LUZP2: variants seen among roughly 807,000 people sequenced by gnomAD.
LUZP2 encodes leucine zipper protein 2.
LUZP2 carries 52 observed loss-of-function variants against 51.6 expected under a neutral mutation model. That is an observed-to-expected ratio of 1.01 (90% CI 0.81 to 1.27). The LOEUF is 1.27. LUZP2 is among the 50% of genes most tolerant of loss of function. The pLI, the probability that LUZP2 is intolerant of heterozygous loss-of-function variation, is 0.00. For synonymous variants in LUZP2, 154 were observed against 137.3 expected (o/e 1.12, Z -0.85); for missense variants, 436 against 395.4 (o/e 1.10, Z -0.87).
chr11:24,584,753 C>T (rs1852999746), intron 1 of LUZP2, among the ~76,000 whole-genome samples: 1 of 152,094 alleles, frequency 6.6e-6, no homozygotes, highest in South Asian at 2.1e-4. Context: ...GTGAAAATGG[C>T]TTTAAAACAA....
intron 7 of LUZP2, among the ~76,000 whole-genome samples, chr11:24,926,967 T>A (rs1227940735): frequency 6.6e-6 from 1 of 151,950 alleles, no homozygotes; most frequent in Non-Finnish European, 1.5e-5. Context: ...CAGTATCACA[T>A]TATGGTTTTA....
At chr11:24,551,958 C>T (rs1851737426) in intron 1 of LUZP2, among the ~76,000 whole-genome samples, 1 of 151,668 alleles carries the variant, frequency 6.6e-6, no homozygotes, top group Admixed American at 6.6e-5. Context: ...ACAACATAAA[C>T]AAAACTCAGG....
At chr11:24,936,742 G>A (rs1000861128) in intron 7 of LUZP2, among the ~76,000 whole-genome samples, 1 of 152,042 alleles carries the variant, frequency 6.6e-6, no homozygotes, top group African/African-American at 2.4e-5. Context: ...CAGGATTTGA[G>A]TGGGCAATGA....
chr11:24,951,218 G>A (rs893216897), intron 7 of LUZP2, among the ~76,000 whole-genome samples: 6 of 151,478 alleles, frequency 4.0e-5, no homozygotes, highest in East Asian at 3.9e-4. Flanking sequence ...TTAAAGCAAC[G>A]TTGGGCCACA....
intron 5 of LUZP2, among the ~76,000 whole-genome samples, chr11:24,841,437 G>C (rs1851029889): frequency 6.6e-6 from 1 of 152,004 alleles, no homozygotes. Flanking sequence ...CCCAAACTAG[G>C]TCAGGTGGTA....
chr11:24,997,066 C>T (rs1856525216), intron 9 of LUZP2, among the ~76,000 whole-genome samples: 1 of 149,874 alleles, frequency 6.7e-6, no homozygotes, highest in Admixed American at 6.7e-5. Flanking sequence ...GTGAATAGTG[C>T]CACAATAAAC....
intron 1 of LUZP2, among the ~76,000 whole-genome samples, chr11:24,569,844 C>A (rs980948225): frequency 6.6e-6 from 1 of 151,104 alleles, no homozygotes; most frequent in African/African-American, 2.4e-5. Flanking sequence ...TATAAATAAT[C>A]ACTTTTTTAA....
chr11:24,586,357 T>G (rs1286197915), intron 1 of LUZP2, among the ~76,000 whole-genome samples: 1 of 152,120 alleles, frequency 6.6e-6, no homozygotes. Flanking sequence ...TTTTTAGAGT[T>G]GTATTTTTTA....
At chr11:24,564,888 A>G (rs1345245425) in intron 1 of LUZP2, among the ~76,000 whole-genome samples, 1 of 152,124 alleles carries the variant, frequency 6.6e-6, no homozygotes, top group African/African-American at 2.4e-5. Context: ...GAAAAAGTAT[A>G]TGTTTGAGAT....
At chr11:24,775,547 T>A (rs1203227072) in intron 5 of LUZP2, among the ~76,000 whole-genome samples, 5 of 152,228 alleles carry the variant, frequency 3.3e-5, no homozygotes, top group African/African-American at 1.2e-4. Context: ...TTACTTAGTA[T>A]TCCAGAGGTA....
At chr11:24,989,225 T>G (rs1343224380) in intron 9 of LUZP2, among the ~76,000 whole-genome samples, 1 of 152,048 alleles carries the variant, frequency 6.6e-6, no homozygotes, top group East Asian at 1.9e-4. Flanking sequence ...CTAGCCCTGT[T>G]GCATCACATG....
intron 10 of LUZP2, among the ~76,000 whole-genome samples, 192 bp from the exon 11 acceptor site, chr11:25,077,137 C>T (rs1403486387): frequency 1.3e-5 from 2 of 152,162 alleles, no homozygotes; most frequent in Non-Finnish European, 2.9e-5. Context: ...CCAAACCAGT[C>T]AGGAATGCTT....
At chr11:24,706,190 A>G (rs969045190) in intron 1 of LUZP2, among the ~76,000 whole-genome samples, 2 of 152,244 alleles carry the variant, frequency 1.3e-5, no homozygotes, top group Non-Finnish European at 2.9e-5. Context: ...TAAGAAGAAG[A>G]TAATAATGAA....
intron 9 of LUZP2, among the ~76,000 whole-genome samples, chr11:25,001,776 T>A (rs1389959036): frequency 6.6e-6 from 1 of 152,204 alleles, no homozygotes; most frequent in East Asian, 1.9e-4. Flanking sequence ...TGTCTCTCTT[T>A]GACTTTGTCT....
chr11:24,622,222 G>C (rs1854519488), intron 1 of LUZP2, among the ~76,000 whole-genome samples: 1 of 146,632 alleles, frequency 6.8e-6, no homozygotes, highest in Admixed American at 7.0e-5. Flanking sequence ...TTGGTGTGCT[G>C]CACCCATTAA....
rs561153211 is a variant in LUZP2, at chr11:24,672,123, A to G, written c.63-57046A>G. On this transcript the variant is annotated intron_variant, in intron 1 of 11. Coordinates refer to ENST00000336930, the MANE Select transcript of LUZP2 (RefSeq NM_001009909.4). Reference sequence around the variant, plus strand: ...CAATTTAGTTCTATACAAGTATTGAACCCACTTACACAGTGCTAGGAAATA... The same window carrying G: ...CAATTTAGTTCTATACAAGTATTGAGCCCACTTACACAGTGCTAGGAAATA... Among the ~76,000 whole-genome samples the G allele has an allele frequency of 1.3e-3, 191 of 152,192 alleles. 1 individual carries two copies. The highest frequency in any genetic ancestry group is 4.5e-3 in the African/African-American group (188 of 41,538).
intron 1 of LUZP2, among the ~76,000 whole-genome samples, chr11:24,601,946 GTATAAA>G (rs1565019782): frequency 7.0e-5 from 9 of 127,766 alleles, no homozygotes; most frequent in African/African-American, 1.2e-4. Flanking sequence ...ATGTATATAT[GTATAAA>G]TGTATATATG....
At chr11:24,683,377 T>G (rs1304977593) in intron 1 of LUZP2, among the ~76,000 whole-genome samples, 2 of 152,176 alleles carry the variant, frequency 1.3e-5, no homozygotes, top group Non-Finnish European at 2.9e-5. Flanking sequence ...GGGGGCTTCT[T>G]TATTTAGGAG....
intron 5 of LUZP2, among the ~76,000 whole-genome samples, chr11:24,809,566 C>T (rs1305068863): frequency 2.0e-5 from 3 of 152,078 alleles, no homozygotes; most frequent in Non-Finnish European, 4.4e-5. Context: ...ATAAGACTGG[C>T]ATAGCCAAGC....
Sources: allele counts gnomAD v4.1 joint callset (sites outside exome capture counted in the v4.1 genomes callset), GRCh38; gene constraint gnomAD v4.1.1; transcripts MANE v1.5; gene names NCBI Gene and HGNC (gene_info 2026-07-23, HGNC 2026-07-21).